Variants in TDRP observed in about 807,000 individuals in gnomAD.
TDRP encodes the protein testis development related protein.
TDRP carries 12 observed loss-of-function variants against 10.5 expected under a neutral mutation model. That is an observed-to-expected ratio of 1.15 (90% CI 0.73 to 1.86). The LOEUF is 1.86. Ranked by LOEUF, TDRP falls within the 40% of genes most tolerant of loss-of-function variation. The probability of loss-of-function intolerance (pLI) is 0.00; values close to 1 mark genes in which losing one functional copy is unlikely to be tolerated. For synonymous variants in TDRP, 139 were observed against 95.4 expected (o/e 1.46, Z -2.67); for missense variants, 353 against 229.2 (o/e 1.54, Z -3.49).
chr8:510,043 G>A (rs998034514), intron 1 of TDRP, among the ~76,000 whole-genome samples: 1 of 152,164 alleles, frequency 6.6e-6, no homozygotes. Context: ...ACCTCCAGGA[G>A]GAAGCACAGA....
intron 1 of TDRP, among the ~76,000 whole-genome samples, chr8:497,695 G>A (rs550373044): frequency 2.0e-5 from 3 of 152,300 alleles, no homozygotes; most frequent in East Asian, 3.9e-4. Context: ...AGACAATGGG[G>A]AAAATGTCTC....
rs550410146 is a variant in TDRP, at chr8:510,922, T to C, written c.109-16325A>G. Among the ~76,000 whole-genome samples, 23 of 152,378 alleles carry C rather than the reference T, an allele frequency of 1.5e-4. No homozygotes were observed. In the East Asian group the frequency reaches 3.3e-3, roughly 22 times the overall value. ...ATATACTACATAGAAATGTAATGTG[T>C]ATGTAATATATTTGCCAATAACACC... On this transcript the variant is annotated intron_variant, in intron 1 of 2. Coordinates refer to ENST00000324079, the MANE Select transcript of TDRP (RefSeq NM_001384899.1).
chr8:528,630 T>A (rs543906087), intron 1 of TDRP, among the ~76,000 whole-genome samples: 1 of 151,906 alleles, frequency 6.6e-6, no homozygotes, highest in East Asian at 1.9e-4. Flanking sequence ...AATAAGAGTA[T>A]AATTGGATTG....
At chr8:512,154 A>T (rs191429222) in intron 1 of TDRP, among the ~76,000 whole-genome samples, 5 of 152,224 alleles carry the variant, frequency 3.3e-5, no homozygotes, top group Admixed American at 3.3e-4. Flanking sequence ...GGCCGGATGC[A>T]GTGGCTCACA....
intron 1 of TDRP, among the ~76,000 whole-genome samples, chr8:508,579 G>A (rs1252589225): frequency 6.6e-6 from 1 of 152,076 alleles, no homozygotes; most frequent in Non-Finnish European, 1.5e-5. Flanking sequence ...TAGCATGCGG[G>A]AAACCACCCC....
intron 1 of TDRP, among the ~76,000 whole-genome samples, chr8:501,035 T>C (rs939981877): frequency 1.3e-5 from 2 of 151,906 alleles, no homozygotes; most frequent in Non-Finnish European, 2.9e-5. Context: ...TGAAACCCCG[T>C]CTCTACTAAA....
chr8:535,947 C>T (rs1802338928), intron 1 of TDRP, among the ~76,000 whole-genome samples: 1 of 152,180 alleles, frequency 6.6e-6, no homozygotes, highest in African/African-American at 2.4e-5. Context: ...CAGTGACTGA[C>T]TCACAAAGTG....
At chr8:509,149 T>C (rs1443933036) in intron 1 of TDRP, among the ~76,000 whole-genome samples, 8 of 152,258 alleles carry the variant, frequency 5.3e-5, no homozygotes, top group Non-Finnish European at 1.2e-4. Context: ...CCAGCTGCTT[T>C]CATGGCTGGT....
At chr8:513,833 T>C (rs749863399) in intron 1 of TDRP, among the ~76,000 whole-genome samples, 17 of 152,190 alleles carry the variant, frequency 1.1e-4, no homozygotes, top group South Asian at 4.1e-4. Flanking sequence ...CGAAAATCAA[T>C]TGCGTTCTTA....
At chr8:514,342 C>G (rs78398648) in intron 1 of TDRP, among the ~76,000 whole-genome samples, 1 of 152,134 alleles carries the variant, frequency 6.6e-6, no homozygotes, top group Non-Finnish European at 1.5e-5. Context: ...AGTGCCAAGA[C>G]AATTCAATGG....
chr8:529,396 G>C (rs1057449417), intron 1 of TDRP, among the ~76,000 whole-genome samples: 2 of 152,230 alleles, frequency 1.3e-5, no homozygotes, highest in Admixed American at 1.3e-4. Context: ...AGAATTTAAA[G>C]TTGTTTGCTC....
chr8:520,968 T>C lies in TDRP; in HGVS notation c.108+23682A>G, dbSNP rs886116934. On this transcript the variant is annotated intron_variant, in intron 1 of 2. Coordinates refer to ENST00000324079, the MANE Select transcript of TDRP (RefSeq NM_001384899.1). ...CTTCAATTTGTCTATTTTTGCTTTT[T>C]CCTGTGTTTTGGTGTCATATCCAAG... 8.5e-5 allele frequency among the ~76,000 whole-genome samples: 13 copies of C among 152,204 alleles called. 1 individual carries two copies. In the South Asian group the frequency reaches 1.2e-3, roughly 15 times the overall value.
At chr8:520,017 T>C (rs1269224139) in intron 1 of TDRP, among the ~76,000 whole-genome samples, 1 of 152,194 alleles carries the variant, frequency 6.6e-6, no homozygotes, top group Non-Finnish European at 1.5e-5. Context: ...AGAAAGGGAA[T>C]GGAGGTCACA....
At chr8:539,413 T>C (rs947675679) in intron 1 of TDRP, among the ~76,000 whole-genome samples, 1 of 152,180 alleles carries the variant, frequency 6.6e-6, no homozygotes, top group Non-Finnish European at 1.5e-5. Context: ...TAAATGTTTG[T>C]TGTTGAAGCT....
intron 1 of TDRP, among the ~76,000 whole-genome samples, chr8:524,741 T>C (rs1439728304): frequency 6.6e-6 from 1 of 152,180 alleles, no homozygotes; most frequent in African/African-American, 2.4e-5. Flanking sequence ...GAAGACAGGC[T>C]ATTGAAAATA....
At chr8:499,004 C>G (rs1233033552) in intron 1 of TDRP, among the ~76,000 whole-genome samples, 3 of 152,168 alleles carry the variant, frequency 2.0e-5, no homozygotes, top group Admixed American at 6.5e-5. Flanking sequence ...AATTAAACCT[C>G]TTTTCTTTAT....
intron 1 of TDRP, 129 bp from the exon 2 acceptor site, chr8:494,726 T>C (rs1801080687): frequency 1.3e-6 from 1 of 756,514 alleles, no homozygotes; most frequent in Non-Finnish European, 2.2e-6. Context: ...TAGCTTTCCA[T>C]ACCTGTGCGC....
At chr8:512,919 C>A (rs1287723503) in intron 1 of TDRP, among the ~76,000 whole-genome samples, 1 of 151,372 alleles carries the variant, frequency 6.6e-6, no homozygotes, top group Non-Finnish European at 1.5e-5. Context: ...TTGCAGTGAG[C>A]CAAGATTGTG....
At position 491,871 on chromosome 8, in the gene TDRP, T is replaced by C; in HGVS notation, c.*528A>G. Reference sequence around the variant, plus strand: ...CCAAATATAAGCTTTGCTTTTCCAGTATTTGTTTACGTATTTGTTTAATAA... The same window carrying C: ...CCAAATATAAGCTTTGCTTTTCCAGCATTTGTTTACGTATTTGTTTAATAA... On this transcript the variant is annotated 3_prime_UTR_variant, in exon 3 of 3. Coordinates refer to ENST00000324079, the MANE Select transcript of TDRP (RefSeq NM_001384899.1). 8.4e-7 allele frequency: 1 copy of C among 1,195,126 alleles called. No individual in the cohort carries two copies. The allele number at this position is 1,195,126 out of a possible 1,614,324, so 74.0% of individuals were successfully genotyped here.
Sources: gnomAD v4.1 joint callset for allele counts (sites outside exome capture counted in the v4.1 genomes callset) on GRCh38, gnomAD v4.1.1 for gene constraint, MANE v1.5 for transcripts, NCBI Gene and HGNC (gene_info 2026-07-23, HGNC 2026-07-21) for gene names.